Variants in NDUFAF7 observed in about 807,000 individuals in gnomAD.
NDUFAF7 encodes the protein protein arginine methyltransferase NDUFAF7, mitochondrial.
Under a neutral mutation model 47.2 loss-of-function variants are expected in NDUFAF7, and 48 were observed. The ratio of observed to expected loss-of-function variants is 1.02; its 90% CI spans 0.81 to 1.29. The LOEUF is 1.29. Ranked by LOEUF, NDUFAF7 falls within the 50% of genes most tolerant of loss-of-function variation. The pLI, the probability that NDUFAF7 is intolerant of heterozygous loss-of-function variation, is 0.00. For missense variants in NDUFAF7, 635 were observed against 537.6 expected, an observed-to-expected ratio of 1.18 and a Z score of -1.79; for synonymous variants, 217 against 190.0, an observed-to-expected ratio of 1.14 and a Z score of -1.17.
At chr2:37,234,636 A>G (rs1665559088) in intron 2 of NDUFAF7, among the ~76,000 whole-genome samples, 2 of 152,192 alleles carry the variant, frequency 1.3e-5, no homozygotes, top group African/African-American at 2.4e-5. Context: ...GATTGAAAAA[A>G]TGTTCTCAAA....
At chr2:37,267,654 G>T in the NDUFAF7 span, 2 of 781,796 alleles carry the variant, frequency 2.6e-6, no homozygotes, top group Non-Finnish European at 4.2e-6. Context: ...GCTCATTTTT[G>T]TTCTTTCTCC....
chr2:37,257,144 T>A (rs961255482), downstream of NDUFAF7, among the ~76,000 whole-genome samples: 1 of 152,160 alleles, frequency 6.6e-6, no homozygotes, highest in Non-Finnish European at 1.5e-5. Context: ...TATGAAGAGC[T>A]TTCCTAGTAC....
intron 5 of NDUFAF7, 116 bp from the exon 6 acceptor site, chr2:37,242,519 A>G (rs1666459272): frequency 1.3e-6 from 1 of 753,280 alleles, no homozygotes; most frequent in African/African-American, 1.8e-5. Context: ...AGAGGTAGAT[A>G]ATTCTGTGGT....
chr2:37,248,296 G>C lies in NDUFAF7; in HGVS notation c.1272G>C (p.Gln424His), dbSNP rs976258402. 6.2e-7 allele frequency: 1 copy of C among 1,614,152 alleles called. No individual in the cohort carries two copies. The highest frequency in any genetic ancestry group is 1.3e-5 in the African/African-American group (1 of 75,058). ...GAAGATATCAGAGGAATGCACGTCAGTCAAAACCCTTTGCATCCGTTGTAG... is the reference window on the plus strand; with the variant it reads ...GAAGATATCAGAGGAATGCACGTCACTCAAAACCCTTTGCATCCGTTGTAG... ...QGGRYQRNAR[Q>H]SKPFASVVAG... Residue 424 changes from glutamine to histidine, a missense_variant, in exon 10 of 10, where the codon CAG becomes CAC. Physicochemically the swap from Gln to His is conservative, Grantham distance 24. Coordinates refer to ENST00000002125, the MANE Select transcript of NDUFAF7 (RefSeq NM_144736.5).
the NDUFAF7 span, among the ~76,000 whole-genome samples, chr2:37,263,498 A>G: frequency 6.6e-6 from 1 of 152,242 alleles, no homozygotes; most frequent in East Asian, 1.9e-4. Flanking sequence ...TCCATTTCTC[A>G]TGGACTACTG....
At chr2:37,256,936 A>T (rs776719664), downstream of NDUFAF7, 14 of 1,613,724 alleles carry the variant, frequency 8.7e-6, no homozygotes, top group African/African-American at 1.6e-4. Context: ...TCACCTGGAA[A>T]TTGAAGGATG....
At chr2:37,247,709 C>A in intron 9 of NDUFAF7, 80 bp downstream of exon 9, 1 of 1,495,738 alleles carries the variant, frequency 6.7e-7, no homozygotes, top group South Asian at 1.2e-5. Context: ...GTTCACCTGG[C>A]CTTAATGCTC....
At chr2:37,237,721 T>C in intron 3 of NDUFAF7, 36 bp from the exon 4 acceptor site, 1 of 1,421,238 alleles carries the variant, frequency 7.0e-7, no homozygotes, top group Non-Finnish European at 9.9e-7. Context: ...TACTTTATAA[T>C]ACTTTAATAT....
intron 9 of NDUFAF7, 115 bp from the exon 10 acceptor site, chr2:37,248,020 G>A (rs1667108535): frequency 2.3e-6 from 2 of 853,360 alleles, no homozygotes; most frequent in Non-Finnish European, 1.9e-6. Flanking sequence ...CAGGTAATCA[G>A]AAGTCACATT....
rs1665958590 is a variant in NDUFAF7, at chr2:37,237,877, A to C, written c.408+10A>C. On this transcript the variant is annotated intron_variant, in intron 4 of 9. Transcript: ENST00000002125. ...GGGAGATATTTTGAGGGTAGGTAAT[A>C]AAAGAATGTCTTCTAGTCTCATATA... The C allele has an allele frequency of 6.4e-7, 1 of 1,555,794 alleles. No individual in the cohort carries two copies. Among genetic ancestry groups the C allele is most frequent in the Non-Finnish European group, 8.9e-7 (1 of 1,127,362 alleles).
At chr2:37,259,361 T>C in the NDUFAF7 span, among the ~76,000 whole-genome samples, 1 of 152,236 alleles carries the variant, frequency 6.6e-6, no homozygotes, top group African/African-American at 2.4e-5. Context: ...TTGCAGAATC[T>C]ATGTGCAGTT....
chr2:37,256,628 ATTTTTTTTTTTTTTTTTTTT>A, downstream of NDUFAF7: 1 of 1,196,940 alleles, frequency 8.4e-7, no homozygotes, highest in Non-Finnish European at 1.1e-6. Flanking sequence ...CATAGCCAAA[ATTTTTTTTTTTTTTTTTTTT>A]TTTTTTTTTT....
At position 37,246,185 on chromosome 2, in the gene NDUFAF7, A is replaced by G. The variant is rs775116798; in HGVS notation, c.926A>G (p.Asp309Gly). 2 of 1,613,790 alleles carry G rather than the reference A, an allele frequency of 1.2e-6. No homozygotes were observed. The highest frequency in any genetic ancestry group is 1.1e-5 in the South Asian group (1 of 91,078). Residue 309 changes from aspartate (D) to glycine (G), a missense_variant, in exon 8 of 10, where the codon GAT becomes GGT. By Grantham distance (94) the Asp-to-Gly change is moderately conservative. Transcript: ENST00000002125. ...TATGGTCATGATGGAACAAAGACAG[A>G]TACCTTCAGAGTATGTATAATTCAG... is the stretch of plus-strand genomic sequence containing the variant. ...ADYGHDGTKTDTFRGFCDHKL... is the reference protein window; with the variant it reads ...ADYGHDGTKTGTFRGFCDHKL...
At chr2:37,264,978 C>A in the NDUFAF7 span, among the ~76,000 whole-genome samples, 3 of 152,040 alleles carry the variant, frequency 2.0e-5, no homozygotes, top group Admixed American at 2.0e-4. Flanking sequence ...TCCTTGCCAC[C>A]GGAAAGGCCA....
Position 37,247,595 on chromosome 2 carries a change from T to A in NDUFAF7, c.1076T>A (p.Phe359Tyr). The A allele has an allele frequency of 6.2e-7, 1 of 1,614,046 alleles. No individual in the cohort carries two copies. Among genetic ancestry groups the A allele is most frequent in the Non-Finnish European group, 8.5e-7 (1 of 1,179,958 alleles). ...CTGGGCCCAATAAAACAACACACAT[T>A]TTTAAAAAATATGGGTATTGATGTC... ...ASLGPIKQHT[F>Y]LKNMGIDVRL... is the part of the protein sequence containing the mutation. Residue 359 changes from phenylalanine (F) to tyrosine (Y), a missense_variant, in exon 9 of 10, where the codon TTT (phenylalanine) becomes TAT (tyrosine). Transcript: ENST00000002125.
intron 5 of NDUFAF7, 70 bp downstream of exon 5, chr2:37,241,861 CT>C: frequency 7.5e-7 from 1 of 1,333,594 alleles, no homozygotes; most frequent in Non-Finnish European, 1.1e-6. Flanking sequence ...GGGACTGTAA[CT>C]TTTTACAGCA....
chr2:37,265,217 T>C, the NDUFAF7 span, among the ~76,000 whole-genome samples: 1 of 152,046 alleles, frequency 6.6e-6, no homozygotes, highest in South Asian at 2.1e-4. Flanking sequence ...TACAGTTGGA[T>C]GGGGAAGAGG....
chr2:37,270,917 G>T, the NDUFAF7 span, among the ~76,000 whole-genome samples: 4 of 152,260 alleles, frequency 2.6e-5, no homozygotes, highest in African/African-American at 4.8e-5. Flanking sequence ...CATGGATGGA[G>T]ATATCCTCAG....
intron 4 of NDUFAF7, among the ~76,000 whole-genome samples, chr2:37,241,205 A>G (rs969629185): frequency 2.0e-5 from 3 of 152,198 alleles, no homozygotes; most frequent in Non-Finnish European, 4.4e-5. Context: ...CATCATCTCA[A>G]AGATGAGATT....
Sources: gnomAD v4.1 joint callset for allele counts (sites outside exome capture counted in the v4.1 genomes callset) on GRCh38, gnomAD v4.1.1 for gene constraint, MANE v1.5 for transcripts, NCBI Gene and HGNC (gene_info 2026-07-23, HGNC 2026-07-21) for gene names.